The following COL3A1 variants were observed in gnomAD, a reference collection of about 807,000 sequenced individuals.
COL3A1 encodes the protein collagen type III alpha 1 chain, also known as collagen alpha-1(III) chain.
In COL3A1, 46 loss-of-function variants were observed where a neutral mutation model predicts 200.9. The observed-to-expected ratio is 0.23, with a 90% confidence interval of 0.18 to 0.29. The LOEUF (loss-of-function observed/expected upper bound fraction) is 0.29. Ranked by LOEUF, COL3A1 falls within the 10% of genes least tolerant of loss-of-function variation. The probability of loss-of-function intolerance (pLI) is 1.00; values close to 1 mark genes in which losing one functional copy is unlikely to be tolerated. For missense variants in COL3A1, 1,367 were observed against 1,917.6 expected, an observed-to-expected ratio of 0.71 and a Z score of 5.36; for synonymous variants, 650 against 628.0, an observed-to-expected ratio of 1.03 and a Z score of -0.52.
At chr2:188,989,373 AT>A in intron 7 of COL3A1, 22 bp from the exon 8 acceptor site, 1 of 1,556,704 alleles carries the variant, frequency 6.4e-7, no homozygotes. Flanking sequence ...AAATCTATTC[AT>A]TTTTTATTTC....
At chr2:188,987,036 A>T (rs770430688) in intron 4 of COL3A1, 23 bp from the exon 5 acceptor site, 1 of 1,586,086 alleles carries the variant, frequency 6.3e-7, no homozygotes, top group South Asian at 1.1e-5. Flanking sequence ...AAATGATCAT[A>T]TCTATTTGTC....
Position 188,987,150 on chromosome 2 carries a change from A to G in COL3A1, c.528+11A>G, listed in dbSNP as rs1216150155. 2 of 1,604,598 alleles carry G rather than the reference A, an allele frequency of 1.2e-6. No individual in the cohort carries two copies. Among genetic ancestry groups the G allele is most frequent in the Non-Finnish European group, 8.5e-7 (1 of 1,171,858 alleles). ...TATCCTGGACCAGCTGTACGTACAA[A>G]TGTTTCTCAGCATTTTGGAGCTTTA... On this transcript the variant is annotated intron_variant, in intron 5 of 50. Coordinates refer to ENST00000304636, the MANE Select transcript of COL3A1 (RefSeq NM_000090.4).
At position 188,994,425 on chromosome 2, in the gene COL3A1, G is replaced by A. The variant is rs1368467682; in HGVS notation, c.1293+93G>A. On this transcript the variant is annotated intron_variant, in intron 18 of 50. Transcript: ENST00000304636. This position sits in a 1 kb window ranked among gnomAD's most constrained non-coding sequence, Gnocchi z 4.5. ...AGCAAAATTTTGCTCCTGTTCAGTT[G>A]AATTTATATTGACTTCACTCTTGTC... The A allele has an allele frequency of 6.4e-7, 1 of 1,570,218 alleles. No individual in the cohort carries two copies. The highest frequency in any genetic ancestry group is 2.2e-5 in the East Asian group (1 of 44,576).
chr2:188,976,798 T>TA (rs1226117907), intron 1 of COL3A1, among the ~76,000 whole-genome samples: 5 of 152,202 alleles, frequency 3.3e-5, no homozygotes, highest in Admixed American at 2.6e-4. Flanking sequence ...TGGAGAAACA[T>TA]AGTCTGTTTT....
intron 48 of COL3A1, among the ~76,000 whole-genome samples, chr2:189,009,753 G>C (rs1164206273): frequency 6.6e-6 from 1 of 152,154 alleles, no homozygotes; most frequent in Non-Finnish European, 1.5e-5. Context: ...CCTTTGCTAG[G>C]AGTCATTTCT....
intron 32 of COL3A1, among the ~76,000 whole-genome samples, chr2:189,000,610 C>T (rs371948523): frequency 2.0e-5 from 3 of 152,130 alleles, no homozygotes; most frequent in East Asian, 3.8e-4. Context: ...CATATACACA[C>T]ACATAAATGA....
intron 1 of COL3A1, among the ~76,000 whole-genome samples, chr2:188,984,286 A>G (rs1688018079): frequency 6.6e-6 from 1 of 151,996 alleles, no homozygotes; most frequent in African/African-American, 2.4e-5. Flanking sequence ...TGCCAAGATT[A>G]GCTCAGTTTT....
At chr2:189,002,671 C>CA (rs1245588483) in intron 35 of COL3A1, among the ~76,000 whole-genome samples, 1 of 152,084 alleles carries the variant, frequency 6.6e-6, no homozygotes, top group Non-Finnish European at 1.5e-5. Flanking sequence ...CGGTCTTTCT[C>CA]AAAAAAATTT....
intron 1 of COL3A1, among the ~76,000 whole-genome samples, chr2:188,980,905 A>G (rs1174104101): frequency 1.3e-5 from 2 of 151,374 alleles, no homozygotes; most frequent in African/African-American, 2.4e-5. Context: ...ATGATAATTT[A>G]TATATCATAT....
chr2:188,990,640 CTT>C (rs1330197566), intron 10 of COL3A1, among the ~76,000 whole-genome samples: 5 of 152,190 alleles, frequency 3.3e-5, no homozygotes, highest in Admixed American at 6.5e-5. Flanking sequence ...TTTTTATTGA[CTT>C]AATATGATTT....
chr2:189,001,651 C>A, intron 34 of COL3A1, 62 bp downstream of exon 34: 1 of 1,587,764 alleles, frequency 6.3e-7, no homozygotes, highest in Non-Finnish European at 8.6e-7. Flanking sequence ...GCTACTTATG[C>A]TTCCCTTTTT....
At chr2:188,988,001 C>G (rs187093110) in intron 5 of COL3A1, 80 bp from the exon 6 acceptor site, 1 of 1,046,360 alleles carries the variant, frequency 9.6e-7, no homozygotes, top group Non-Finnish European at 1.5e-6. Flanking sequence ...TTTAACAATG[C>G]GAGTGTCATT....
In COL3A1 at chr2:188,986,385, G is replaced by C. The variant is rs10207418; in HGVS notation, c.447+607G>C. On this transcript the variant is annotated intron_variant, in intron 4 of 50. Transcript: ENST00000304636. ...AAATATATTACACAAATTTTTGTGA[G>C]GTTAAAAAGTGCATTTCAAAAAGCA... Among the ~76,000 whole-genome samples the C allele has an allele frequency of 6.2e-3, 938 of 152,066 alleles. 14 individuals are homozygous for C. The highest frequency in any genetic ancestry group is 0.022 in the African/African-American group (912 of 41,532).
chr2:189,011,786 T>G lies in COL3A1; in HGVS notation c.*12T>G, dbSNP rs748745225. 1.9e-6 allele frequency: 3 copies of G among 1,613,728 alleles called. No homozygotes were observed. In the African/African-American group the frequency reaches 4.0e-5, roughly 22 times the overall value. On this transcript the variant is annotated 3_prime_UTR_variant, in exon 51 of 51. Coordinates refer to ENST00000304636, the MANE Select transcript of COL3A1 (RefSeq NM_000090.4). ...TTTGCTTTTTATAAACCAAACTCTA[T>G]CTGAAATCCCAACAAAAAAAATTTA...
intron 35 of COL3A1, 140 bp from the exon 36 acceptor site, chr2:189,002,815 T>G: frequency 2.8e-6 from 2 of 721,494 alleles, no homozygotes; most frequent in South Asian, 1.6e-5. Flanking sequence ...CATTTTGTCA[T>G]GTCTTCAGAA....
chr2:189,006,975 T>C lies in COL3A1; in HGVS notation c.3240T>C (p.Gly1080=). The C allele has an allele frequency of 6.2e-7, 1 of 1,612,970 alleles. No individual in the cohort carries two copies. The highest frequency in any genetic ancestry group is 1.1e-5 in the South Asian group (1 of 91,038). ...AGPAGAPGPA[G]SRGAPGPQGP... ...CTGCTGGTGCTCCCGGTCCTGCTGG[T>C]TCCCGAGGTGCTCCTGTAAGTTTTG... is the stretch of plus-strand genomic sequence containing the variant. Residue 1080 remains glycine (G), a synonymous_variant, in exon 44 of 51, where the codon GGT becomes GGC. Coordinates refer to ENST00000304636, the MANE Select transcript of COL3A1 (RefSeq NM_000090.4).
intron 2 of COL3A1, 70 bp from the exon 3 acceptor site, chr2:188,985,127 T>C: frequency 6.7e-7 from 1 of 1,496,140 alleles, no homozygotes; most frequent in South Asian, 1.1e-5. Flanking sequence ...AAGGATTGGT[T>C]AGAATCTGGG....
rs191843385 is a variant in COL3A1 at position 189,011,808 on chromosome 2, T to A, written c.*34T>A. The A allele has an allele frequency of 1.9e-6, 3 of 1,611,806 alleles. No homozygotes were observed. Among genetic ancestry groups the A allele is most frequent in the African/African-American group, 1.3e-5 (1 of 74,862 alleles). ...CTATCTGAAATCCCAACAAAAAAAATTTAACTCCATATGTGTTCCTCTTGT... is the reference window on the plus strand; with the variant it reads ...CTATCTGAAATCCCAACAAAAAAAAATTAACTCCATATGTGTTCCTCTTGT... On this transcript the variant is annotated 3_prime_UTR_variant, in exon 51 of 51. Transcript: ENST00000304636.
chr2:189,002,806 AT>A (rs1159892343), intron 35 of COL3A1, 148 bp from the exon 36 acceptor site: 4 of 703,996 alleles, frequency 5.7e-6, no homozygotes, highest in Non-Finnish European at 1.0e-5. Flanking sequence ...GATTGGCTTC[AT>A]TTTGTCATGT....
Sources: allele counts gnomAD v4.1 joint callset (sites outside exome capture counted in the v4.1 genomes callset), GRCh38; gene constraint gnomAD v4.1.1; non-coding constraint Gnocchi (gnomAD v3.1); transcripts MANE v1.5; gene names NCBI Gene and HGNC (gene_info 2026-07-23, HGNC 2026-07-21).